Variants in PTPRT observed in about 807,000 individuals in gnomAD.
PTPRT encodes the protein receptor-type tyrosine-protein phosphatase T.
In PTPRT, 56 loss-of-function variants were observed where a neutral mutation model predicts 176.8. That is an observed-to-expected ratio of 0.32 (90% CI 0.26 to 0.40). PTPRT has a LOEUF of 0.40. Ranked by LOEUF, PTPRT falls within the 10% of genes least tolerant of loss-of-function variation. The pLI is 1.00. For missense variants in PTPRT, 1,540 were observed against 1,908.2 expected (o/e 0.81, Z 3.60); for synonymous variants, 783 against 739.0 (o/e 1.06, Z -0.96).
At chr20:42,824,948 A>G (rs930139079) in intron 2 of PTPRT, among the ~76,000 whole-genome samples, 6 of 152,096 alleles carry the variant, frequency 3.9e-5, no homozygotes, top group African/African-American at 1.4e-4. Flanking sequence ...ATGAACAGAT[A>G]ATTCACAGAG....
intron 2 of PTPRT, among the ~76,000 whole-genome samples, chr20:42,801,035 T>A (rs1176982076): frequency 6.6e-6 from 1 of 152,160 alleles, no homozygotes; most frequent in East Asian, 1.9e-4. Context: ...GGGGAGAGCA[T>A]CCATCTATTT....
chr20:42,056,984 C>T, the PTPRT span, among the ~76,000 whole-genome samples: 1 of 152,230 alleles, frequency 6.6e-6, no homozygotes, highest in Admixed American at 6.5e-5. Flanking sequence ...CTTTCCCAGA[C>T]ATGTCCCATC....
At chr20:42,258,558 T>A (rs1480372137) in intron 13 of PTPRT, among the ~76,000 whole-genome samples, 1 of 152,214 alleles carries the variant, frequency 6.6e-6, no homozygotes, top group Non-Finnish European at 1.5e-5. Flanking sequence ...TAGGTGATTT[T>A]TTTCTGCTTT....
intron 29 of PTPRT, 56 bp from the exon 30 acceptor site, chr20:42,082,073 T>C: frequency 2.5e-6 from 4 of 1,611,172 alleles, no homozygotes; most frequent in East Asian, 2.2e-5. Context: ...AGGCACCTGA[T>C]GATTCTAAAG....
chr20:42,780,083 G>A, intron 4 of PTPRT, 135 bp downstream of exon 4: 1 of 782,048 alleles, frequency 1.3e-6, no homozygotes, highest in African/African-American at 1.7e-5. Context: ...GAGTATGTAA[G>A]CATTTCTGAA....
At chr20:42,571,197 A>G (rs1416049647) in intron 7 of PTPRT, among the ~76,000 whole-genome samples, 1 of 152,242 alleles carries the variant, frequency 6.6e-6, no homozygotes, top group Non-Finnish European at 1.5e-5. Flanking sequence ...AATGATGAAC[A>G]AATAAGATGA....
chr20:42,854,321 C>T (rs922173119), intron 2 of PTPRT, among the ~76,000 whole-genome samples: 1 of 152,214 alleles, frequency 6.6e-6, no homozygotes, highest in African/African-American at 2.4e-5. Context: ...TTGAAGCACA[C>T]ATCCTATTCA....
At chr20:43,020,335 A>G (rs1255334233) in intron 1 of PTPRT, among the ~76,000 whole-genome samples, 1 of 151,738 alleles carries the variant, frequency 6.6e-6, no homozygotes, top group African/African-American at 2.4e-5. Flanking sequence ...AGATATTATG[A>G]TCCCTTTTAA....
At chr20:42,387,745 T>C (rs778345861) in intron 9 of PTPRT, among the ~76,000 whole-genome samples, 19 of 151,974 alleles carry the variant, frequency 1.3e-4, no homozygotes, top group Non-Finnish European at 2.4e-4. Flanking sequence ...CTTGTGTATG[T>C]GTGGGTAAAG....
At chr20:42,251,772 G>C (rs2056555552) in intron 13 of PTPRT, among the ~76,000 whole-genome samples, 1 of 151,896 alleles carries the variant, frequency 6.6e-6, no homozygotes, top group South Asian at 2.1e-4. Context: ...AAAGCAAGGA[G>C]GGAAAGATGA....
chr20:42,472,858 T>C (rs2071223099), intron 7 of PTPRT, among the ~76,000 whole-genome samples: 1 of 152,192 alleles, frequency 6.6e-6, no homozygotes, highest in African/African-American at 2.4e-5. Flanking sequence ...TTCTTAAGGG[T>C]GCATCAAAGT....
chr20:43,085,943 G>C (rs925399817), intron 1 of PTPRT, among the ~76,000 whole-genome samples: 2 of 152,058 alleles, frequency 1.3e-5, no homozygotes, highest in Non-Finnish European at 2.9e-5. Context: ...GTTTGGAAAA[G>C]AGTTGTCTTC....
chr20:43,122,219 G>A (rs1268337567), intron 1 of PTPRT, among the ~76,000 whole-genome samples: 1 of 152,172 alleles, frequency 6.6e-6, no homozygotes, highest in Non-Finnish European at 1.5e-5. Flanking sequence ...TCTGAAAGGT[G>A]GCAATCAGGT....
At chr20:43,107,362 A>C (rs2425602) in intron 1 of PTPRT, among the ~76,000 whole-genome samples, 44,289 of 152,088 alleles carry the variant, frequency 0.29, 6,866 homozygotes, top group Non-Finnish European at 0.35. Flanking sequence ...CAAGGAAAAG[A>C]AGAAAAATAA....
intron 1 of PTPRT, among the ~76,000 whole-genome samples, chr20:43,012,468 C>T (rs544800868): frequency 3.9e-5 from 6 of 152,250 alleles, no homozygotes; most frequent in African/African-American, 1.4e-4. Flanking sequence ...CACAGAGATT[C>T]AGCTTCAAAA....
At chr20:42,900,831 T>C (rs975403174) in intron 1 of PTPRT, among the ~76,000 whole-genome samples, 2 of 152,068 alleles carry the variant, frequency 1.3e-5, no homozygotes, top group Admixed American at 6.5e-5. Context: ...AAGCCTACCC[T>C]GAAGCACCAT....
chr20:42,975,315 T>C (rs796199872), intron 1 of PTPRT, among the ~76,000 whole-genome samples: 2 of 152,260 alleles, frequency 1.3e-5, no homozygotes, highest in African/African-American at 4.8e-5. Flanking sequence ...AGACACATGA[T>C]AATATTTACA....
intron 3 of PTPRT, among the ~76,000 whole-genome samples, chr20:42,786,429 C>T (rs1006648286): frequency 1.3e-5 from 2 of 152,090 alleles, no homozygotes; most frequent in African/African-American, 4.8e-5. Flanking sequence ...AGCTATTTTC[C>T]CTAAAGGCAA....
chr20:43,172,281 C>T (rs1189750277), intron 1 of PTPRT, among the ~76,000 whole-genome samples: 1 of 152,240 alleles, frequency 6.6e-6, no homozygotes, highest in African/African-American at 2.4e-5. Flanking sequence ...AACAGCTCTT[C>T]TATTTCTTCC....
Sources: allele counts gnomAD v4.1 joint callset (sites outside exome capture counted in the v4.1 genomes callset), GRCh38; gene constraint gnomAD v4.1.1; transcripts MANE v1.5; gene names NCBI Gene and HGNC (gene_info 2026-07-23, HGNC 2026-07-21).